Variants in BICDL1 observed in about 807,000 individuals in gnomAD.
BICDL1 encodes BICD family-like cargo adapter 1.
BICDL1 carries 20 observed loss-of-function variants against 76.8 expected under a neutral mutation model. That is an observed-to-expected ratio of 0.26 (90% confidence interval 0.18 to 0.38). The LOEUF is 0.38. Ranked by LOEUF, BICDL1 falls within the 10% of genes least tolerant of loss-of-function variation. The pLI is 1.00. For missense variants in BICDL1, 700 were observed against 798.6 expected (o/e 0.88, Z 1.49); for synonymous variants, 383 against 337.1 (o/e 1.14, Z -1.49).
At chr12:120,056,627 G>T (rs1043741269) in intron 2 of BICDL1, among the ~76,000 whole-genome samples, 1 of 152,084 alleles carries the variant, frequency 6.6e-6, no homozygotes, top group Non-Finnish European at 1.5e-5. Context: ...TGAGGCAGGA[G>T]AATTGCTTGA....
rs1304291006 is a variant in BICDL1 at position 120,064,726 on chromosome 12, C to T, written c.763-7C>T. On this transcript the variant is annotated splice_region_variant and splice_polypyrimidine_tract_variant and intron_variant, in intron 3 of 9. Coordinates refer to ENST00000548673, the MANE Select transcript of BICDL1 (RefSeq NM_001367886.1). ...CACACCACCCCTGTGGCTCTCCACC[C>T]TTTCAGATCAAGATGCTGTCAGATC... The T allele has an allele frequency of 6.2e-7, 1 of 1,602,662 alleles. No homozygotes were observed. The highest frequency in any genetic ancestry group is 1.3e-5 in the African/African-American group (1 of 74,588).
chr12:120,004,835 T>G (rs572450208), intron 2 of BICDL1, among the ~76,000 whole-genome samples: 1 of 152,306 alleles, frequency 6.6e-6, no homozygotes, highest in Non-Finnish European at 1.5e-5. Context: ...GTTTGTTTGT[T>G]TCTGAGACGG....
At position 119,989,471 on chromosome 12, in the gene BICDL1, A is replaced by AGCAGCAGCAGCAGCG. The variant is rs1371992888; in HGVS notation, c.-390_-389insAGCAGCGGCAGCAGC. On this transcript the variant is annotated 5_prime_UTR_variant, in exon 1 of 10. Transcript: ENST00000548673. Reference sequence around the variant, plus strand: ...CTGCCCGGCCGGCGGCGGCAGCAGCAGCAGCAGCGGCAGCGGCAACAGGGC... The same window carrying AGCAGCAGCAGCAGCG: ...CTGCCCGGCCGGCGGCGGCAGCAGCAGCAGCAGCAGCAGCGGCAGCAGCGGCAGCGGCAACAGGGC... Among the ~76,000 whole-genome samples the AGCAGCAGCAGCAGCG allele has an allele frequency of 6.7e-6, 1 of 149,590 alleles. No individual in the cohort carries two copies.
At chr12:120,011,191 G>A (rs1951945772) in intron 2 of BICDL1, among the ~76,000 whole-genome samples, 1 of 152,140 alleles carries the variant, frequency 6.6e-6, no homozygotes, top group African/African-American at 2.4e-5. Context: ...AAAAGAACCT[G>A]GAAGATTTCT....
chr12:119,998,968 G>A (rs1016419757), intron 2 of BICDL1, among the ~76,000 whole-genome samples: 2 of 150,722 alleles, frequency 1.3e-5, no homozygotes, highest in Admixed American at 6.6e-5. Flanking sequence ...GAGGTGGGGG[G>A]ATCGCTTGAG....
At chr12:120,031,072 A>G (rs1043150731) in intron 2 of BICDL1, among the ~76,000 whole-genome samples, 1 of 152,224 alleles carries the variant, frequency 6.6e-6, no homozygotes, top group African/African-American at 2.4e-5. Context: ...GCACCAAGGT[A>G]TACGTATTTT....
intron 2 of BICDL1, among the ~76,000 whole-genome samples, chr12:120,048,057 G>T (rs1462548995): frequency 1.3e-5 from 2 of 151,834 alleles, no homozygotes; most frequent in Non-Finnish European, 2.9e-5. Flanking sequence ...TCTGAAATTT[G>T]TTATGATTAT....
At chr12:120,064,340 TGAG>T (rs1953172379) in intron 3 of BICDL1, among the ~76,000 whole-genome samples, 1 of 152,144 alleles carries the variant, frequency 6.6e-6, no homozygotes, top group Non-Finnish European at 1.5e-5. Flanking sequence ...GCTCATGACT[TGAG>T]GAGGAGAAGT....
At position 119,989,395 on chromosome 12, in the gene BICDL1, G is replaced by A. The variant is rs1951463512; in HGVS notation, c.-474G>A. Among the ~76,000 whole-genome samples the A allele has an allele frequency of 1.3e-5, 2 of 151,094 alleles. No individual in the cohort carries two copies. The highest frequency in any genetic ancestry group is 4.1e-4 in the South Asian group (2 of 4,822). Reference sequence around the variant, plus strand: ...AGAGCGGCCGCCGGCAACAGCAGCAGCAGCAGGAAGCGTCGCGGCGACAGC... The same window carrying A: ...AGAGCGGCCGCCGGCAACAGCAGCAACAGCAGGAAGCGTCGCGGCGACAGC... On this transcript the variant is annotated 5_prime_UTR_variant, in exon 1 of 10. Transcript: ENST00000548673.
At chr12:120,017,657 A>G (rs754684219) in intron 2 of BICDL1, among the ~76,000 whole-genome samples, 1 of 152,106 alleles carries the variant, frequency 6.6e-6, no homozygotes, top group Non-Finnish European at 1.5e-5. Flanking sequence ...ACTTGAGCCC[A>G]GGAGTTCAAG....
chr12:119,997,642 G>A (rs1368474505), intron 1 of BICDL1, among the ~76,000 whole-genome samples: 1 of 152,140 alleles, frequency 6.6e-6, no homozygotes, highest in Non-Finnish European at 1.5e-5. Context: ...CCGCTTTGCC[G>A]TTTACTAGTA....
chr12:120,094,358 T>C lies in BICDL1; in HGVS notation c.*1197T>C, dbSNP rs957371963. The C allele has an allele frequency of 2.2e-6, 1 of 451,144 alleles. No individual in the cohort carries two copies. Among genetic ancestry groups the C allele is most frequent in the African/African-American group, 2.0e-5 (1 of 49,930 alleles). 27.9% of individuals were successfully genotyped at this position (451,144 alleles called of 1,614,324 possible). On this transcript the variant is annotated 3_prime_UTR_variant, in exon 10 of 10. Transcript: ENST00000548673. ...TACCACAGTGCTGTAATTTTGTATG[T>C]AGCAATCATGTAAATACATGTATGG...
chr12:120,021,165 T>A (rs898937964), intron 2 of BICDL1, among the ~76,000 whole-genome samples: 5 of 151,820 alleles, frequency 3.3e-5, no homozygotes, highest in Non-Finnish European at 5.9e-5. Context: ...GTGCCTGTAG[T>A]CCCAGCTACT....
intron 2 of BICDL1, among the ~76,000 whole-genome samples, chr12:120,058,150 G>T (rs570826297): frequency 6.6e-6 from 1 of 152,154 alleles, no homozygotes; most frequent in East Asian, 1.9e-4. Flanking sequence ...GCTTCTTAAG[G>T]CTATTGTAAA....
At chr12:120,069,689 AT>A (rs200806820) in intron 4 of BICDL1, among the ~76,000 whole-genome samples, 7 of 151,280 alleles carry the variant, frequency 4.6e-5, no homozygotes, top group Non-Finnish European at 8.9e-5. Context: ...TTTCCCCTTA[AT>A]TTTTTTTTCA....
At chr12:120,022,839 A>G (rs1952211455) in intron 2 of BICDL1, among the ~76,000 whole-genome samples, 1 of 152,234 alleles carries the variant, frequency 6.6e-6, no homozygotes, top group Non-Finnish European at 1.5e-5. Context: ...GTAAGTTGAC[A>G]TGGTACTGTG....
chr12:120,072,192 T>TA (rs1873160865), intron 5 of BICDL1, among the ~76,000 whole-genome samples: 1 of 152,192 alleles, frequency 6.6e-6, no homozygotes, highest in Non-Finnish European at 1.5e-5. Context: ...CTTTTCATAA[T>TA]ACAGAACCAT....
At chr12:120,029,288 T>A (rs1399726929) in intron 2 of BICDL1, among the ~76,000 whole-genome samples, 1 of 152,202 alleles carries the variant, frequency 6.6e-6, no homozygotes, top group African/African-American at 2.4e-5. Context: ...GCTATAATTT[T>A]ACCTAAAGGT....
intron 7 of BICDL1, chr12:120,080,645 G>T: frequency 2.6e-6 from 1 of 381,624 alleles, no homozygotes; most frequent in Non-Finnish European, 5.0e-6. Context: ...TACGGCTGCA[G>T]GTCCAGAGCT....
Sources: gnomAD v4.1 joint callset for allele counts (sites outside exome capture counted in the v4.1 genomes callset) on GRCh38, gnomAD v4.1.1 for gene constraint, MANE v1.5 for transcripts, NCBI Gene and HGNC (gene_info 2026-07-23, HGNC 2026-07-21) for gene names.